Variants in CADM2 observed in about 807,000 individuals in gnomAD.
CADM2 encodes the protein cell adhesion molecule 2.
A neutral mutation model predicts 49.8 loss-of-function variants in CADM2; 12 were observed. The ratio of observed to expected loss-of-function variants is 0.24; its 90% CI spans 0.15 to 0.39. The LOEUF is 0.39. Among genes scored for constraint, CADM2 ranks in the 10% least tolerant of loss-of-function variants. The probability of loss-of-function intolerance (pLI) is 1.00; values close to 1 mark genes in which losing one functional copy is unlikely to be tolerated. For synonymous variants in CADM2, 214 were observed against 175.4 expected, an observed-to-expected ratio of 1.22 and a Z score of -1.74; for missense variants, 378 against 492.3, an observed-to-expected ratio of 0.77 and a Z score of 2.20.
chr3:85,790,911 G>A (rs1206630012), intron 2 of CADM2, among the ~76,000 whole-genome samples: 2 of 152,114 alleles, frequency 1.3e-5, no homozygotes, highest in Non-Finnish European at 2.9e-5. Context: ...ACAGTGGCTG[G>A]GCAGAATGGT....
At chr3:85,890,004 C>T (rs1714199400) in intron 5 of CADM2, among the ~76,000 whole-genome samples, 1 of 152,058 alleles carries the variant, frequency 6.6e-6, no homozygotes, top group African/African-American at 2.4e-5. Flanking sequence ...GTGTCTTAAA[C>T]AATGTATAAA....
rs574403683 is a variant in CADM2, at chr3:85,720,120, G to A, written c.62-6402G>A. On this transcript the variant is annotated intron_variant, in intron 1 of 9. Transcript: ENST00000383699. ...TCTCCTCTAACTGGTATTTTCTGCC[G>A]TGAAATTTATTTGCTAAAGGAACCA... Among the ~76,000 whole-genome samples, 12 of 152,132 alleles carry A rather than the reference G, an allele frequency of 7.9e-5. No homozygotes were observed. In the South Asian group the frequency reaches 1.5e-3, roughly 18 times the overall value.
chr3:85,298,318 G>A (rs78311891), intron 1 of CADM2, among the ~76,000 whole-genome samples: 2 of 151,984 alleles, frequency 1.3e-5, no homozygotes, highest in African/African-American at 4.8e-5. Flanking sequence ...GCCTCCTATA[G>A]GAAGGTGAGA....
At chr3:85,824,100 G>A (rs544882889) in intron 3 of CADM2, among the ~76,000 whole-genome samples, 3 of 152,252 alleles carry the variant, frequency 2.0e-5, no homozygotes, top group Admixed American at 6.6e-5. Flanking sequence ...CAATCAAAAC[G>A]TACTGGAGAA....
chr3:85,301,187 A>T (rs1313544710), intron 1 of CADM2, among the ~76,000 whole-genome samples: 2 of 152,212 alleles, frequency 1.3e-5, no homozygotes, highest in Non-Finnish European at 2.9e-5. Context: ...ATGCAAATGC[A>T]TCCTCCTCAG....
chr3:85,201,124 A>G (rs2041489826), intron 1 of CADM2, among the ~76,000 whole-genome samples: 1 of 152,186 alleles, frequency 6.6e-6, no homozygotes, highest in African/African-American at 2.4e-5. Context: ...TCTGCAAATG[A>G]TTTAATCAAA....
intron 1 of CADM2, among the ~76,000 whole-genome samples, chr3:84,988,247 A>G (rs1436770511): frequency 6.6e-6 from 1 of 152,206 alleles, no homozygotes; most frequent in Non-Finnish European, 1.5e-5. Context: ...ACCAGATCTT[A>G]GTATCCTTTT....
At chr3:85,809,802 T>C (rs2072735591) in intron 3 of CADM2, among the ~76,000 whole-genome samples, 1 of 139,256 alleles carries the variant, frequency 7.2e-6, no homozygotes, top group African/African-American at 2.6e-5. Context: ...CTTTCTTTCT[T>C]TCTTTCTTTC....
Position 85,759,224 on chromosome 3 carries a change from A to G in CADM2, c.88+32676A>G, listed in dbSNP as rs187781324. Among the ~76,000 whole-genome samples the G allele has an allele frequency of 7.2e-5, 11 of 152,206 alleles. No homozygotes were observed. In the East Asian group the frequency reaches 1.9e-3, roughly 27 times the overall value. ...AAGACATTGCTTGAGATCCTCTGCT[A>G]TGGTTCTTTATTCCTGCCTAGTTCT... On this transcript the variant is annotated intron_variant, in intron 2 of 9. Coordinates refer to ENST00000383699, the MANE Select transcript of CADM2 (RefSeq NM_001167675.2).
intron 2 of CADM2, among the ~76,000 whole-genome samples, chr3:85,741,115 G>A (rs1284796118): frequency 6.6e-6 from 1 of 152,088 alleles, no homozygotes; most frequent in Non-Finnish European, 1.5e-5. Flanking sequence ...AGGTCTGAAG[G>A]AATTAATAGA....
intron 1 of CADM2, among the ~76,000 whole-genome samples, chr3:85,307,635 G>A (rs1443605266): frequency 6.6e-6 from 1 of 151,636 alleles, no homozygotes; most frequent in Non-Finnish European, 1.5e-5. Context: ...AATGCTTTGT[G>A]ATGTGAGAGA....
chr3:86,045,173 A>G (rs911687588), intron 8 of CADM2, among the ~76,000 whole-genome samples: 10 of 152,060 alleles, frequency 6.6e-5, no homozygotes, highest in African/African-American at 2.4e-4. Flanking sequence ...TAACCTGCAC[A>G]TTGTGCACAT....
intron 1 of CADM2, among the ~76,000 whole-genome samples, chr3:85,000,186 T>A (rs1295153609): frequency 6.6e-6 from 1 of 151,222 alleles, no homozygotes; most frequent in Non-Finnish European, 1.5e-5. Context: ...CAATCATAGC[T>A]CACTGTAACC....
intron 1 of CADM2, among the ~76,000 whole-genome samples, chr3:85,026,419 T>C (rs1173766293): frequency 6.6e-6 from 1 of 152,206 alleles, no homozygotes; most frequent in Non-Finnish European, 1.5e-5. Flanking sequence ...CTAGTTTTTA[T>C]CCTTATTCAA....
At chr3:85,944,939 G>A (rs1722463633) in intron 7 of CADM2, among the ~76,000 whole-genome samples, 1 of 152,002 alleles carries the variant, frequency 6.6e-6, no homozygotes, top group South Asian at 2.1e-4. Context: ...GAGCAGAACT[G>A]AAGGAAATAG....
chr3:85,084,964 T>C (rs2037314592), intron 1 of CADM2, among the ~76,000 whole-genome samples: 1 of 152,156 alleles, frequency 6.6e-6, no homozygotes, highest in Non-Finnish European at 1.5e-5. Context: ...AGAAATTATA[T>C]ACAGTTATGT....
chr3:85,852,440 G>A (rs1027036126), intron 3 of CADM2, among the ~76,000 whole-genome samples: 1 of 151,946 alleles, frequency 6.6e-6, no homozygotes, highest in Non-Finnish European at 1.5e-5. Flanking sequence ...CACTCTAGTG[G>A]ACATTAAATA....
chr3:85,799,654 C>T (rs2071871399), intron 2 of CADM2, among the ~76,000 whole-genome samples: 1 of 152,140 alleles, frequency 6.6e-6, no homozygotes, highest in Admixed American at 6.6e-5. Context: ...TTTTAATGTG[C>T]TGCTGGATTT....
intron 1 of CADM2, among the ~76,000 whole-genome samples, chr3:85,078,676 T>G (rs2037042981): frequency 6.6e-6 from 1 of 151,822 alleles, no homozygotes; most frequent in Admixed American, 6.6e-5. Flanking sequence ...GCCCCATTCT[T>G]TCTTTCTTTC....
Sources: allele counts gnomAD v4.1 joint callset (sites outside exome capture counted in the v4.1 genomes callset), GRCh38; gene constraint gnomAD v4.1.1; transcripts MANE v1.5; gene names NCBI Gene and HGNC (gene_info 2026-07-23, HGNC 2026-07-21).